Variants in FBXL17 observed in about 807,000 individuals in gnomAD.
FBXL17 encodes F-box and leucine rich repeat protein 17.
Under a neutral mutation model 66.2 loss-of-function variants are expected in FBXL17, and 22 were observed. The ratio of observed to expected loss-of-function variants is 0.33; its 90% CI spans 0.24 to 0.47. The LOEUF (loss-of-function observed/expected upper bound fraction) is 0.47, where lower values mean the gene tolerates loss of function less well. Among genes scored for constraint, FBXL17 ranks in the 20% least tolerant of loss-of-function variants. The pLI is 1.00. For synonymous variants in FBXL17, 474 were observed against 400.5 expected (o/e 1.18, Z -2.19); for missense variants, 878 against 948.2 (o/e 0.93, Z 0.97).
chr5:108,136,344 T>A (rs1751133721), intron 6 of FBXL17, among the ~76,000 whole-genome samples: 1 of 152,112 alleles, frequency 6.6e-6, no homozygotes, highest in South Asian at 2.1e-4. Flanking sequence ...GCTTGGTAAA[T>A]GTGAAAAAAT....
chr5:107,988,881 C>A (rs1446596526), intron 7 of FBXL17, among the ~76,000 whole-genome samples: 2 of 152,016 alleles, frequency 1.3e-5, no homozygotes, highest in African/African-American at 4.8e-5. Context: ...AAGAAAGAAT[C>A]TTGTACAAAG....
chr5:108,350,192 G>A (rs534428831), intron 3 of FBXL17, among the ~76,000 whole-genome samples: 6 of 152,188 alleles, frequency 3.9e-5, no homozygotes, highest in African/African-American at 1.4e-4. Context: ...GCTGAGGTTG[G>A]GGCTAAAAAT....
At chr5:108,257,017 C>T (rs1756604909) in intron 4 of FBXL17, among the ~76,000 whole-genome samples, 1 of 152,152 alleles carries the variant, frequency 6.6e-6, no homozygotes, top group Non-Finnish European at 1.5e-5. Context: ...TTGTTTTTAA[C>T]TGTGTTTCAG....
At chr5:108,372,705 A>G (rs867469053) in intron 1 of FBXL17, among the ~76,000 whole-genome samples, 3 of 152,322 alleles carry the variant, frequency 2.0e-5, no homozygotes, top group Non-Finnish European at 2.9e-5. Context: ...AAATTAAGAT[A>G]TTTCCAGATA....
chr5:107,934,353 G>A (rs754985582), intron 7 of FBXL17, among the ~76,000 whole-genome samples: 13 of 151,962 alleles, frequency 8.6e-5, no homozygotes, highest in African/African-American at 1.7e-4. Flanking sequence ...ACATAAATAC[G>A]ACTGATCTTT....
chr5:108,300,409 T>C (rs1476020007), intron 4 of FBXL17, among the ~76,000 whole-genome samples: 1 of 151,924 alleles, frequency 6.6e-6, no homozygotes, highest in Non-Finnish European at 1.5e-5. Context: ...TCATATTCAA[T>C]TTTTGGAATT....
chr5:108,298,202 A>G (rs963238157), intron 4 of FBXL17: 1 of 980,644 alleles, frequency 1.0e-6, no homozygotes, highest in African/African-American at 1.8e-5. Flanking sequence ...TCCATATGAT[A>G]TACAATGCCC....
At position 108,051,820 on chromosome 5, in the gene FBXL17, C is replaced by T. The variant is rs186539281; in HGVS notation, c.1746-30819G>A. Among the ~76,000 whole-genome samples the T allele has an allele frequency of 1.0e-3, 155 of 152,020 alleles. 1 individual carries two copies. In the South Asian group the frequency reaches 0.014, roughly 13 times the overall value. On this transcript the variant is annotated intron_variant, in intron 6 of 8. Transcript: ENST00000542267. The stretch of plus-strand genomic sequence containing the variant: ...TGAAACCTCATCTCCACTAAAAATA[C>T]AAAAAATTGGCCGGGTGCTGTGGCT...
At position 107,911,555 on chromosome 5, in the gene FBXL17, T is replaced by C. The variant is rs377500982; in HGVS notation, c.1823-30376A>G. Among the ~76,000 whole-genome samples, 149 of 152,234 alleles carry C rather than the reference T, an allele frequency of 9.8e-4. 3 individuals carry two copies. In the South Asian group the frequency reaches 0.03, roughly 31 times the overall value. ...GCAGCAATCTATAAGGTAGATACTA[T>C]TATTATTCTCATTTTATGGCTGAGG... On this transcript the variant is annotated intron_variant, in intron 7 of 8. Coordinates refer to ENST00000542267, the MANE Select transcript of FBXL17 (RefSeq NM_001163315.3).
At chr5:108,117,044 A>C (rs1341464477) in intron 6 of FBXL17, among the ~76,000 whole-genome samples, 2 of 152,232 alleles carry the variant, frequency 1.3e-5, no homozygotes, top group African/African-American at 4.8e-5. Context: ...AAATCGACTT[A>C]AGGCTTGTAG....
intron 6 of FBXL17, among the ~76,000 whole-genome samples, chr5:108,065,722 GT>G (rs1748091836): frequency 6.6e-6 from 1 of 152,050 alleles, no homozygotes; most frequent in Non-Finnish European, 1.5e-5. Flanking sequence ...GAAAGAAAAC[GT>G]TTTGGACTTG....
At chr5:108,094,070 C>T (rs1457850350) in intron 6 of FBXL17, among the ~76,000 whole-genome samples, 1 of 152,108 alleles carries the variant, frequency 6.6e-6, no homozygotes, top group African/African-American at 2.4e-5. Flanking sequence ...ACATAGTGTG[C>T]TCTCTGAGTG....
At chr5:107,907,643 C>T (rs1462755876) in intron 7 of FBXL17, among the ~76,000 whole-genome samples, 3 of 152,136 alleles carry the variant, frequency 2.0e-5, no homozygotes, top group African/African-American at 7.2e-5. Context: ...AGGACATGAA[C>T]AGACACTTCT....
At chr5:108,231,811 C>A (rs1363271664) in intron 4 of FBXL17, among the ~76,000 whole-genome samples, 1 of 152,114 alleles carries the variant, frequency 6.6e-6, no homozygotes, top group Non-Finnish European at 1.5e-5. Context: ...GAGATCCATA[C>A]AGGATACAGG....
In FBXL17 at chr5:107,972,187, GAAAGA is replaced by G. The variant is rs549608400; in HGVS notation, c.1822+48733_1822+48737del. ...CTCAAAAGATACTTGCTGAATAAAT[GAAAGA>G]AAAGAAAAGAAAAGAGAAAACAAAA... On this transcript the variant is annotated intron_variant, in intron 7 of 8. Transcript: ENST00000542267. Among the ~76,000 whole-genome samples, 39 of 152,174 alleles carry G rather than the reference GAAAGA, an allele frequency of 2.6e-4. No individual in the cohort carries two copies. In the East Asian group the frequency reaches 3.9e-3, roughly 15 times the overall value.
At chr5:108,039,178 A>G (rs942393339) in intron 6 of FBXL17, among the ~76,000 whole-genome samples, 1 of 152,024 alleles carries the variant, frequency 6.6e-6, no homozygotes, top group African/African-American at 2.4e-5. Flanking sequence ...GTTGAGTGCA[A>G]AGATTATTTC....
rs1461337554 is a variant in FBXL17 at position 108,277,330 on chromosome 5, G to A, written c.1507-53102C>T. Reference sequence around the variant, plus strand: ...ATTGTTATTATTTTTTAAAATGAGAGTGTATTGGATTTATGAAAGAATTAA... The same window carrying A: ...ATTGTTATTATTTTTTAAAATGAGAATGTATTGGATTTATGAAAGAATTAA... On this transcript the variant is annotated intron_variant, in intron 4 of 8. Coordinates refer to ENST00000542267, the MANE Select transcript of FBXL17 (RefSeq NM_001163315.3). 2.0e-5 allele frequency among the ~76,000 whole-genome samples: 3 copies of A among 152,102 alleles called. No individual in the cohort carries two copies. The East Asian group carries it at 5.8e-4, about 29-fold the overall frequency.
chr5:108,359,296 T>G (rs1291223674), intron 3 of FBXL17, among the ~76,000 whole-genome samples: 1 of 152,140 alleles, frequency 6.6e-6, no homozygotes, highest in Non-Finnish European at 1.5e-5. Flanking sequence ...AGCTTTTCTG[T>G]CCTCTATCAT....
chr5:108,068,779 C>CT (rs573590826), intron 6 of FBXL17, among the ~76,000 whole-genome samples: 243 of 152,296 alleles, frequency 1.6e-3, no homozygotes, highest in Middle Eastern at 3.4e-3. Flanking sequence ...TTCTAACAGA[C>CT]TTTTTCTGAC....
Sources: allele counts gnomAD v4.1 joint callset (sites outside exome capture counted in the v4.1 genomes callset), GRCh38; gene constraint gnomAD v4.1.1; transcripts MANE v1.5; gene names NCBI Gene and HGNC (gene_info 2026-07-23, HGNC 2026-07-21).